Variants in CLSTN2 observed in about 807,000 individuals in gnomAD.
CLSTN2 encodes calsyntenin 2.
CLSTN2 carries 48 observed loss-of-function variants against 101.2 expected under a neutral mutation model. The observed-to-expected ratio is 0.47, with a 90% confidence interval of 0.38 to 0.60. The LOEUF (loss-of-function observed/expected upper bound fraction) is 0.60. CLSTN2 is among the 20% of genes least tolerant of loss of function. The probability of loss-of-function intolerance (pLI) is 0.00; values close to 1 mark genes in which losing one functional copy is unlikely to be tolerated. For missense variants in CLSTN2, 1,160 were observed against 1,238.2 expected, an observed-to-expected ratio of 0.94 and a Z score of 0.95; for synonymous variants, 481 against 463.6, an observed-to-expected ratio of 1.04 and a Z score of -0.48.
At position 140,575,374 on chromosome 3, in the gene CLSTN2, T is replaced by C. The variant is rs1331899103; in HGVS notation, c.*9121T>C. ...TCTGTATCTAAAGATGCATCCAAGTTTGCAAAAAATTATGGGTAAATCTGG... is the reference window on the plus strand; with the variant it reads ...TCTGTATCTAAAGATGCATCCAAGTCTGCAAAAAATTATGGGTAAATCTGG... On this transcript the variant is annotated 3_prime_UTR_variant, in exon 17 of 17. Coordinates refer to ENST00000458420, the MANE Select transcript of CLSTN2 (RefSeq NM_022131.3). 3 of 152,070 alleles carry C rather than the reference T, an allele frequency of 2.0e-5. No homozygotes were observed. Among genetic ancestry groups the C allele is most frequent in the Non-Finnish European group, 4.4e-5 (3 of 68,022 alleles). The allele number at this position is 152,070 out of a possible 1,614,324, so 9.4% of individuals were successfully genotyped here.
chr3:140,443,905 T>C (rs1324715912), intron 5 of CLSTN2, among the ~76,000 whole-genome samples: 1 of 152,196 alleles, frequency 6.6e-6, no homozygotes, highest in East Asian at 1.9e-4. Context: ...TGACTCGCAT[T>C]TGGCAGAGTT....
At chr3:140,048,009 T>A (rs573655302) in intron 1 of CLSTN2, among the ~76,000 whole-genome samples, 4 of 152,296 alleles carry the variant, frequency 2.6e-5, no homozygotes, top group Non-Finnish European at 5.9e-5. Context: ...AATGCATGGC[T>A]ATTAAAGTTA....
intron 8 of CLSTN2, among the ~76,000 whole-genome samples, chr3:140,478,169 GT>G (rs1444050150): frequency 6.6e-6 from 1 of 152,008 alleles, no homozygotes; most frequent in Non-Finnish European, 1.5e-5. Flanking sequence ...ATTTTTAGGA[GT>G]TTCTAACACA....
At chr3:140,337,312 A>G (rs1009544262) in intron 2 of CLSTN2, among the ~76,000 whole-genome samples, 1 of 152,170 alleles carries the variant, frequency 6.6e-6, no homozygotes, top group Admixed American at 6.5e-5. Context: ...GATCTGTTCC[A>G]GGCCTCTCCC....
chr3:140,275,105 T>C (rs4438621), intron 2 of CLSTN2, among the ~76,000 whole-genome samples: 145,097 of 152,244 alleles, frequency 0.95, 69,323 homozygotes, highest in Non-Finnish European at 0.99. Context: ...GGAAATCCAG[T>C]TTCCTAGCCT....
intron 2 of CLSTN2, among the ~76,000 whole-genome samples, chr3:140,338,194 ATC>A (rs996987789): frequency 2.0e-5 from 3 of 151,388 alleles, no homozygotes; most frequent in South Asian, 4.2e-4. Flanking sequence ...TCTCTGACTG[ATC>A]TCTCTCTCTC....
At chr3:140,435,594 AT>A (rs2088677751) in intron 5 of CLSTN2, among the ~76,000 whole-genome samples, 1 of 152,214 alleles carries the variant, frequency 6.6e-6, no homozygotes, top group Admixed American at 6.5e-5. Context: ...TAGGAATCGG[AT>A]TGCTGGATTA....
intron 1 of CLSTN2, among the ~76,000 whole-genome samples, chr3:140,127,031 AT>A (rs2009445485): frequency 6.6e-6 from 1 of 151,374 alleles, no homozygotes; most frequent in African/African-American, 2.4e-5. Context: ...TCATATATAT[AT>A]ATCATGTGTC....
At chr3:140,552,175 G>A (rs1026927083) in intron 10 of CLSTN2, among the ~76,000 whole-genome samples, 2 of 152,046 alleles carry the variant, frequency 1.3e-5, no homozygotes, top group African/African-American at 4.8e-5. Context: ...ATCTCTAAGA[G>A]AAGTCTCTAA....
intron 2 of CLSTN2, among the ~76,000 whole-genome samples, chr3:140,328,958 C>T (rs2087356396): frequency 6.6e-6 from 1 of 152,180 alleles, no homozygotes; most frequent in South Asian, 2.1e-4. Flanking sequence ...AAGCACTGAA[C>T]TCAGAGTTAG....
At chr3:140,176,647 G>A (rs1359444119) in intron 2 of CLSTN2, among the ~76,000 whole-genome samples, 1 of 152,186 alleles carries the variant, frequency 6.6e-6, no homozygotes, top group Non-Finnish European at 1.5e-5. Flanking sequence ...TTTCCTCCTC[G>A]GACCCTCTTC....
intron 1 of CLSTN2, among the ~76,000 whole-genome samples, chr3:139,958,532 G>A (rs964173397): frequency 3.9e-5 from 6 of 152,170 alleles, no homozygotes; most frequent in African/African-American, 1.4e-4. Flanking sequence ...TTTGATTTAT[G>A]TCCAGGGTGG....
intron 1 of CLSTN2, among the ~76,000 whole-genome samples, chr3:140,025,253 G>T (rs942972775): frequency 6.6e-6 from 1 of 152,264 alleles, no homozygotes; most frequent in South Asian, 2.1e-4. Context: ...TGGGTGTGCT[G>T]ACCCCAACTA....
intron 1 of CLSTN2, among the ~76,000 whole-genome samples, chr3:139,945,309 G>A (rs1298449477): frequency 6.6e-6 from 1 of 152,166 alleles, no homozygotes; most frequent in African/African-American, 2.4e-5. Flanking sequence ...ATCACATGCA[G>A]AAAGGACACA....
intron 1 of CLSTN2, among the ~76,000 whole-genome samples, chr3:140,147,452 C>A (rs1249058899): frequency 1.3e-5 from 2 of 152,236 alleles, no homozygotes; most frequent in East Asian, 3.9e-4. Context: ...TATGATTGAC[C>A]CACACTCCTA....
intron 1 of CLSTN2, among the ~76,000 whole-genome samples, chr3:139,979,164 C>A (rs191444592): frequency 1.3e-5 from 2 of 152,084 alleles, no homozygotes; most frequent in Non-Finnish European, 2.9e-5. Flanking sequence ...ATCTGCAATA[C>A]GTGACCAGGA....
intron 2 of CLSTN2, among the ~76,000 whole-genome samples, chr3:140,394,434 T>A (rs2088157015): frequency 6.6e-6 from 1 of 152,198 alleles, no homozygotes; most frequent in South Asian, 2.1e-4. Context: ...GGACAAGGCC[T>A]TGTCTCAGCA....
intron 1 of CLSTN2, among the ~76,000 whole-genome samples, chr3:140,135,572 A>T (rs935303107): frequency 6.6e-6 from 1 of 152,190 alleles, no homozygotes; most frequent in African/African-American, 2.4e-5. Flanking sequence ...TGAAGGAGGA[A>T]ACTGAGAACG....
At chr3:140,482,392 T>C (rs1576591998) in intron 8 of CLSTN2, among the ~76,000 whole-genome samples, 1 of 152,228 alleles carries the variant, frequency 6.6e-6, no homozygotes, top group African/African-American at 2.4e-5. Context: ...TAATCAGGGA[T>C]ACTGGTCTAA....
Sources: gnomAD v4.1 joint callset for allele counts (sites outside exome capture counted in the v4.1 genomes callset) on GRCh38, gnomAD v4.1.1 for gene constraint, MANE v1.5 for transcripts, NCBI Gene and HGNC (gene_info 2026-07-23, HGNC 2026-07-21) for gene names.